The following LRBA variants were observed in gnomAD, a reference collection of about 807,000 sequenced individuals.
LRBA encodes LPS responsive beige-like anchor protein, also known as lipopolysaccharide-responsive and beige-like anchor protein.
A neutral mutation model predicts 330.0 loss-of-function variants in LRBA; 176 were observed. That is an observed-to-expected ratio of 0.53 (90% CI 0.47 to 0.60). The LOEUF is 0.60. Among genes scored for constraint, LRBA ranks in the 20% least tolerant of loss-of-function variants. The pLI, the probability that LRBA is intolerant of heterozygous loss-of-function variation, is 0.00. For synonymous variants in LRBA, 1,230 were observed against 1,193.0 expected, an observed-to-expected ratio of 1.03 and a Z score of -0.64; for missense variants, 3,259 against 3,444.8, an observed-to-expected ratio of 0.95 and a Z score of 1.35.
intron 56 of LRBA, among the ~76,000 whole-genome samples, chr4:150,267,560 G>A (rs1214382110): frequency 6.6e-6 from 1 of 152,092 alleles, no homozygotes; most frequent in African/African-American, 2.4e-5. Context: ...TAAACACATA[G>A]ATTTAAAAAT....
At chr4:150,423,183 C>G (rs1055012012) in intron 46 of LRBA, 1 of 1,369,074 alleles carries the variant, frequency 7.3e-7, no homozygotes, top group Non-Finnish European at 1.0e-6. Flanking sequence ...GGTCCCCCTT[C>G]TTGTTGGCTT....
At chr4:150,946,571 G>A (rs1331521350) in intron 2 of LRBA, among the ~76,000 whole-genome samples, 1 of 151,446 alleles carries the variant, frequency 6.6e-6, no homozygotes, top group African/African-American at 2.4e-5. Context: ...ACGATGAACT[G>A]AATCAAAATA....
chr4:150,610,905 A>G lies in LRBA; in HGVS notation c.5922-11774T>C, dbSNP rs137879078. Among the ~76,000 whole-genome samples the G allele has an allele frequency of 2.6e-4, 40 of 152,288 alleles. No homozygotes were observed. The East Asian group carries it at 7.3e-3, about 28-fold the overall frequency. On this transcript the variant is annotated intron_variant, in intron 37 of 56. Coordinates refer to ENST00000651943, the MANE Select transcript of LRBA (RefSeq NM_001364905.1). The stretch of plus-strand genomic sequence containing the variant: ...GCAGTATAAATTTGATTTTCCAATG[A>G]AACAATCAGTAATTCTATTTAATCA...
intron 44 of LRBA, among the ~76,000 whole-genome samples, chr4:150,448,822 A>AAAAG (rs1491201287): frequency 1.0e-4 from 4 of 38,656 alleles, no homozygotes; most frequent in Non-Finnish European, 1.7e-4. Context: ...AAAAAAAAAA[A>AAAAG]GGGGGGGGGG....
chr4:150,682,774 G>A (rs1452642147), intron 37 of LRBA, among the ~76,000 whole-genome samples: 1 of 151,910 alleles, frequency 6.6e-6, no homozygotes, highest in Non-Finnish European at 1.5e-5. Context: ...TCTAGAAAAA[G>A]TTGGTCAAAA....
chr4:150,592,531 C>A (rs1461117462), intron 38 of LRBA, among the ~76,000 whole-genome samples: 1 of 152,078 alleles, frequency 6.6e-6, no homozygotes. Context: ...TAAATAAAAT[C>A]TTTCATACTC....
intron 46 of LRBA, among the ~76,000 whole-genome samples, chr4:150,435,003 A>T (rs1750922612): frequency 6.6e-6 from 1 of 152,112 alleles, no homozygotes; most frequent in South Asian, 2.1e-4. Flanking sequence ...CAAAAGACAG[A>T]GAGAGAGGAA....
intron 14 of LRBA, 47 bp from the exon 15 acceptor site, chr4:150,897,865 A>C (rs1436893763): frequency 1.6e-6 from 2 of 1,216,384 alleles, no homozygotes; most frequent in South Asian, 2.5e-5. Flanking sequence ...AAAGGACCTC[A>C]AAGCTGTCAA....
intron 37 of LRBA, among the ~76,000 whole-genome samples, chr4:150,626,766 A>T (rs1421083449): frequency 3.9e-5 from 6 of 152,154 alleles, no homozygotes; most frequent in Non-Finnish European, 7.4e-5. Context: ...CTGTTTAAAC[A>T]CTTGGAAATG....
chr4:150,534,677 A>AT (rs11417427), intron 40 of LRBA, among the ~76,000 whole-genome samples: 35,848 of 152,098 alleles, frequency 0.24, 4,470 homozygotes, highest in African/African-American at 0.33. Flanking sequence ...TATATTACAT[A>AT]GTTCCTTTTA....
Position 150,852,044 on chromosome 4 carries a change from G to C in LRBA, c.3666C>G (p.Thr1222=). The C allele has an allele frequency of 6.2e-7, 1 of 1,614,002 alleles. No individual in the cohort carries two copies. The highest frequency in any genetic ancestry group is 8.5e-7 in the Non-Finnish European group (1 of 1,179,956). ...TACCATGACAATCATTAATTAATTT[G>C]GTTTCTCTAGTGAGGTTAGTTGCTT... ...GKKATNLTRE[T]KLINDCHGSV... is the part of the protein sequence containing the mutation. Residue 1222 remains threonine, a synonymous_variant, in exon 23 of 57, where the codon ACC becomes ACG. Coordinates refer to ENST00000651943, the MANE Select transcript of LRBA (RefSeq NM_001364905.1).
At chr4:150,898,640 CT>C (rs1356181221) in intron 14 of LRBA, among the ~76,000 whole-genome samples, 8 of 56,962 alleles carry the variant, frequency 1.4e-4, no homozygotes, top group African/African-American at 4.4e-4. Context: ...CATGTGATTC[CT>C]AGACAAAAAA....
At chr4:150,761,910 C>T in intron 34 of LRBA, 63 bp from the exon 35 acceptor site, 1 of 835,314 alleles carries the variant, frequency 1.2e-6, no homozygotes, top group Non-Finnish European at 1.9e-6. Context: ...TCTTTTAAAA[C>T]AATAATAATG....
intron 2 of LRBA, among the ~76,000 whole-genome samples, chr4:150,983,705 T>G (rs1741116392): frequency 6.6e-6 from 1 of 151,432 alleles, no homozygotes; most frequent in Admixed American, 6.6e-5. Flanking sequence ...TCCGCCTGCC[T>G]CAGCCTCCCA....
At chr4:150,483,303 T>G (rs1757503803) in intron 42 of LRBA, among the ~76,000 whole-genome samples, 1 of 152,070 alleles carries the variant, frequency 6.6e-6, no homozygotes, top group African/African-American at 2.4e-5. Flanking sequence ...TGATCATATA[T>G]GTTTGAGTCT....
chr4:150,814,649 G>A (rs1411633266), intron 31 of LRBA, among the ~76,000 whole-genome samples: 2 of 150,522 alleles, frequency 1.3e-5, no homozygotes, highest in African/African-American at 2.4e-5. Context: ...AAATGGGGGG[G>A]GCTAAGGAGG....
chr4:150,814,688 A>G (rs746392618), intron 31 of LRBA, among the ~76,000 whole-genome samples: 2 of 151,884 alleles, frequency 1.3e-5, no homozygotes, highest in Non-Finnish European at 2.9e-5. Flanking sequence ...CTAGCTCAAG[A>G]TGGAAAAAAA....
intron 56 of LRBA, among the ~76,000 whole-genome samples, chr4:150,270,067 A>C (rs78932588): frequency 6.6e-6 from 1 of 152,214 alleles, no homozygotes; most frequent in African/African-American, 2.4e-5. Flanking sequence ...TGTTAGGACA[A>C]CTGTTAAAAA....
In LRBA at chr4:150,852,827, A is replaced by C. The variant is rs1553982422; in HGVS notation, c.2883T>G (p.Ile961Met). 1.2e-6 allele frequency: 2 copies of C among 1,613,966 alleles called. No homozygotes were observed. The highest frequency in any genetic ancestry group is 2.2e-5 in the South Asian group (2 of 91,054). ...CTACTGAAACATTAATATCCCTTCT[A>C]ATGCCAGAGGCTGCTTGAACTGAAG... ...SSTSVQAASGIRRDINVSVGS... is the reference protein window; with the variant it reads ...SSTSVQAASGMRRDINVSVGS... The change falls in exon 23 of 57, where the codon ATT becomes ATG. Residue 961 changes from isoleucine to methionine, a missense_variant. Coordinates refer to ENST00000651943, the MANE Select transcript of LRBA (RefSeq NM_001364905.1).
Sources: allele counts gnomAD v4.1 joint callset (sites outside exome capture counted in the v4.1 genomes callset), GRCh38; gene constraint gnomAD v4.1.1; transcripts MANE v1.5; gene names NCBI Gene and HGNC (gene_info 2026-07-23, HGNC 2026-07-21).